Variants in CEP128 observed in about 807,000 individuals in gnomAD.
CEP128 encodes the protein centrosomal protein 128kDa.
Under a neutral mutation model 156.7 loss-of-function variants are expected in CEP128, and 132 were observed. The observed-to-expected ratio is 0.84, with a 90% CI of 0.73 to 0.97. The LOEUF is 0.97. Ranked by LOEUF, CEP128 falls within the 50% of genes least tolerant of loss-of-function variation. CEP128 has a pLI of 0.00. For missense variants in CEP128, 1,252 were observed against 1,281.9 expected (o/e 0.98, Z 0.36); for synonymous variants, 469 against 448.9 (o/e 1.04, Z -0.57).
At chr14:80,764,123 C>T (rs1900105785) in intron 16 of CEP128, among the ~76,000 whole-genome samples, 1 of 152,214 alleles carries the variant, frequency 6.6e-6, no homozygotes, top group African/African-American at 2.4e-5. Flanking sequence ...GACAAAACTA[C>T]TTCAATCTTT....
intron 15 of CEP128, among the ~76,000 whole-genome samples, chr14:80,781,388 C>T (rs1220938423): frequency 2.1e-5 from 3 of 140,944 alleles, no homozygotes; most frequent in East Asian, 2.1e-4. Context: ...ACCCGGGAGG[C>T]GGAAGCTGCA....
At chr14:80,593,947 T>G (rs1408231245) in intron 19 of CEP128, among the ~76,000 whole-genome samples, 1 of 152,210 alleles carries the variant, frequency 6.6e-6, no homozygotes, top group African/African-American at 2.4e-5. Flanking sequence ...ACCATTGACT[T>G]TCTTCACAGA....
At chr14:80,820,028 T>C (rs545316904) in intron 13 of CEP128, among the ~76,000 whole-genome samples, 78 of 152,332 alleles carry the variant, frequency 5.1e-4, no homozygotes, top group African/African-American at 1.8e-3. Flanking sequence ...TAAAAATGTG[T>C]CTACTATTCT....
intron 19 of CEP128, among the ~76,000 whole-genome samples, chr14:80,660,243 C>A (rs1895342155): frequency 6.6e-6 from 1 of 152,188 alleles, no homozygotes; most frequent in South Asian, 2.1e-4. Context: ...GAGCTCACTG[C>A]ACTTCAAACA....
intron 21 of CEP128, among the ~76,000 whole-genome samples, chr14:80,550,363 A>G (rs1259574042): frequency 6.6e-6 from 1 of 152,136 alleles, no homozygotes; most frequent in Non-Finnish European, 1.5e-5. Context: ...TAAGTTATCT[A>G]AATGTTTTTA....
Position 80,640,180 on chromosome 14 carries a change from T to C in CEP128, c.2807-59757A>G, listed in dbSNP as rs530307005. ...CACAAATAAGTCTGAATCAGGTATA[T>C]AGGACACACTCTCATCTTTCTTTTC... On this transcript the variant is annotated intron_variant, in intron 19 of 24. Transcript: ENST00000555265. Among the ~76,000 whole-genome samples, 181 of 152,304 alleles carry C rather than the reference T, an allele frequency of 1.2e-3. 1 individual carries two copies. The highest frequency in any genetic ancestry group is 4.2e-3 in the African/African-American group (176 of 41,578).
chr14:80,646,169 C>A (rs1380928623), intron 19 of CEP128, among the ~76,000 whole-genome samples: 1 of 152,008 alleles, frequency 6.6e-6, no homozygotes, highest in Admixed American at 6.6e-5. Context: ...ACGTAAAACG[C>A]CAAGAATGAA....
chr14:80,583,285 C>T (rs770083224), intron 19 of CEP128, among the ~76,000 whole-genome samples: 1 of 152,110 alleles, frequency 6.6e-6, no homozygotes, highest in Admixed American at 6.5e-5. Flanking sequence ...CCCTGACTGA[C>T]CATCTTGTAT....
intron 13 of CEP128, among the ~76,000 whole-genome samples, chr14:80,818,931 T>C (rs2139986157): frequency 6.6e-6 from 1 of 152,354 alleles, no homozygotes; most frequent in Admixed American, 6.5e-5. Flanking sequence ...GCCATCCTTT[T>C]GCAATAGGAA....
chr14:80,627,869 A>T (rs1893798383), intron 19 of CEP128, among the ~76,000 whole-genome samples: 1 of 151,946 alleles, frequency 6.6e-6, no homozygotes, highest in Non-Finnish European at 1.5e-5. Context: ...CAATAACCTC[A>T]TTGGGCTATA....
intron 15 of CEP128, among the ~76,000 whole-genome samples, chr14:80,780,368 T>C (rs1310976653): frequency 6.6e-6 from 1 of 152,148 alleles, no homozygotes; most frequent in Non-Finnish European, 1.5e-5. Flanking sequence ...ATGGATATAT[T>C]AATAAAATGG....
intron 13 of CEP128, chr14:80,830,228 T>C (rs767381244): frequency 7.6e-6 from 5 of 656,994 alleles, no homozygotes; most frequent in Non-Finnish European, 1.4e-5. Flanking sequence ...CAATATTTCA[T>C]TATCTTTACA....
rs113360147 is a variant in CEP128, at chr14:80,582,395, G to T, written c.2807-1972C>A. ...TATAGAGATAACTAATAGATGCACT[G>T]GAAAAGAGGATCCCAAATCTGAAGG... On this transcript the variant is annotated intron_variant, in intron 19 of 24. Coordinates refer to ENST00000555265, the MANE Select transcript of CEP128 (RefSeq NM_152446.5). Among the ~76,000 whole-genome samples, 848 of 152,234 alleles carry T rather than the reference G, an allele frequency of 5.6e-3. 11 individuals are homozygous for T. The highest frequency in any genetic ancestry group is 0.019 in the African/African-American group (809 of 41,552).
intron 14 of CEP128, among the ~76,000 whole-genome samples, chr14:80,788,592 G>A (rs1182080041): frequency 1.3e-5 from 2 of 151,936 alleles, no homozygotes; most frequent in Admixed American, 1.3e-4. Flanking sequence ...TTTCCTACCA[G>A]TCACTTAATA....
At chr14:80,752,605 G>T (rs1448909266) in intron 18 of CEP128, among the ~76,000 whole-genome samples, 1 of 151,986 alleles carries the variant, frequency 6.6e-6, no homozygotes, top group African/African-American at 2.4e-5. Context: ...AGTACACTGG[G>T]CCTAATACTT....
chr14:80,523,583 C>T (rs149469061), intron 23 of CEP128, among the ~76,000 whole-genome samples: 1 of 152,264 alleles, frequency 6.6e-6, no homozygotes, highest in African/African-American at 2.4e-5. Context: ...TTTAGAAAAA[C>T]AACAACAAAA....
intron 13 of CEP128, among the ~76,000 whole-genome samples, chr14:80,794,775 G>A (rs1326427523): frequency 6.6e-6 from 1 of 152,034 alleles, no homozygotes; most frequent in Non-Finnish European, 1.5e-5. Flanking sequence ...GATAGTCCTA[G>A]GTGCTAAAAC....
intron 19 of CEP128, among the ~76,000 whole-genome samples, chr14:80,730,851 G>T (rs1359217706): frequency 6.6e-6 from 1 of 152,090 alleles, no homozygotes; most frequent in East Asian, 1.9e-4. Context: ...GGAGAGAAAG[G>T]TTGCATCCAA....
chr14:80,508,415 G>A lies in CEP128; in HGVS notation c.3073-3395C>T, dbSNP rs1888086507. Reference sequence around the variant, plus strand: ...AGGTCTTACTTATAAATATCTATTTGTATGGAGATCACCTTCGTTGATGAT... The same window carrying A: ...AGGTCTTACTTATAAATATCTATTTATATGGAGATCACCTTCGTTGATGAT... On this transcript the variant is annotated intron_variant, in intron 23 of 24. Transcript: ENST00000555265. Among the ~76,000 whole-genome samples, 3 of 152,070 alleles carry A rather than the reference G, an allele frequency of 2.0e-5. No individual in the cohort carries two copies. The South Asian group carries it at 6.2e-4, about 32-fold the overall frequency.
Sources: gnomAD v4.1 joint callset for allele counts (sites outside exome capture counted in the v4.1 genomes callset) on GRCh38, gnomAD v4.1.1 for gene constraint, MANE v1.5 for transcripts, NCBI Gene and HGNC (gene_info 2026-07-23, HGNC 2026-07-21) for gene names.